Variants in TBXAS1 observed in about 807,000 individuals in gnomAD.
TBXAS1 encodes the protein thromboxane-A synthase.
TBXAS1 carries 48 observed loss-of-function variants against 60.7 expected under a neutral mutation model. The observed-to-expected ratio is 0.79, with a 90% CI of 0.63 to 1.01. The LOEUF is 1.01. Ranked by LOEUF, TBXAS1 falls within the 50% of genes least tolerant of loss-of-function variation. The pLI is 0.00. For synonymous variants in TBXAS1, 287 were observed against 269.7 expected, an observed-to-expected ratio of 1.06 and a Z score of -0.63; for missense variants, 685 against 686.3, an observed-to-expected ratio of 1.00 and a Z score of 0.02.
chr7:139,812,521 G>A (rs928800554), intron 4 of TBXAS1, among the ~76,000 whole-genome samples: 3 of 152,116 alleles, frequency 2.0e-5, no homozygotes, highest in East Asian at 1.9e-4. Context: ...GTGGAAAAAC[G>A]TCCTTTGCCT....
intron 9 of TBXAS1, chr7:139,962,768 A>G: frequency 5.6e-6 from 1 of 179,144 alleles, no homozygotes; most frequent in Non-Finnish European, 1.2e-5. Context: ...TTTCTTCTAG[A>G]TGAGGCCCCT....
At chr7:139,986,755 A>G (rs10255305) in intron 9 of TBXAS1, among the ~76,000 whole-genome samples, 144 of 79,662 alleles carry the variant, frequency 1.8e-3, no homozygotes, top group African/African-American at 5.8e-3. Flanking sequence ...ATATATATAT[A>G]TGTGTGTGTG....
At chr7:139,933,781 G>GAAATGAA (rs1322183309) in intron 4 of TBXAS1, among the ~76,000 whole-genome samples, 11 of 150,386 alleles carry the variant, frequency 7.3e-5, no homozygotes, top group African/African-American at 2.5e-4. Context: ...TTAAAACAGT[G>GAAATGAA]AAATGAAATA....
chr7:139,925,696 G>A (rs1806826501), intron 4 of TBXAS1, among the ~76,000 whole-genome samples: 1 of 152,158 alleles, frequency 6.6e-6, no homozygotes, highest in South Asian at 2.1e-4. Context: ...TAACAGTGGT[G>A]AAAGTGGGCA....
At chr7:140,018,890 CG>C (rs2116482758) in intron 12 of TBXAS1, among the ~76,000 whole-genome samples, 1 of 152,120 alleles carries the variant, frequency 6.6e-6, no homozygotes, top group South Asian at 2.1e-4. Flanking sequence ...ATGAGAGAAA[CG>C]GGGGTCCTCA....
intron 2 of TBXAS1, among the ~76,000 whole-genome samples, chr7:139,873,079 A>T (rs1801943393): frequency 6.6e-6 from 1 of 152,178 alleles, no homozygotes; most frequent in African/African-American, 2.4e-5. Flanking sequence ...TCAGGGCTAA[A>T]ATCATCCTAA....
chr7:139,912,512 TG>T (rs1312796663), intron 4 of TBXAS1, among the ~76,000 whole-genome samples: 1 of 152,208 alleles, frequency 6.6e-6, no homozygotes, highest in Non-Finnish European at 1.5e-5. Flanking sequence ...TTGTTGATTA[TG>T]TGGCAAACTT....
chr7:139,919,234 G>T (rs1480133415), intron 4 of TBXAS1, among the ~76,000 whole-genome samples: 2 of 152,180 alleles, frequency 1.3e-5, no homozygotes, highest in Non-Finnish European at 1.5e-5. Flanking sequence ...TTGCACGATG[G>T]CTGTCCTCAT....
Position 140,004,262 on chromosome 7 carries a change from G to A in TBXAS1, c.1135-2829G>A, listed in dbSNP as rs71543349. Among the ~76,000 whole-genome samples, 4,039 of 152,304 alleles carry A rather than the reference G, an allele frequency of 0.027. 65 individuals carry two copies. The highest frequency in any genetic ancestry group is 0.036 in the Non-Finnish European group (2,458 of 68,034). ...GCCTTTATTCCCAAAGCAGGGGGAC[G>A]TGTCCATCGTGGTACTCAGCGAGCT... On this transcript the variant is annotated intron_variant, in intron 9 of 12. Transcript: ENST00000448866. This position sits in a 1 kb window ranked among gnomAD's most constrained non-coding sequence, Gnocchi z 5.1.
At chr7:139,983,880 GTTTGC>G (rs1812139174) in intron 9 of TBXAS1, among the ~76,000 whole-genome samples, 1 of 152,186 alleles carries the variant, frequency 6.6e-6, no homozygotes, top group Non-Finnish European at 1.5e-5. Context: ...TAGTCGATCA[GTTTGC>G]ACAGAGAAGT....
intron 4 of TBXAS1, among the ~76,000 whole-genome samples, chr7:139,812,286 G>C (rs1798037941): frequency 1.3e-5 from 2 of 152,202 alleles, no homozygotes; most frequent in African/African-American, 4.8e-5. Context: ...AATGAGGGGA[G>C]ACAATATCAA....
At chr7:139,893,814 G>A (rs1290039509) in intron 3 of TBXAS1, among the ~76,000 whole-genome samples, 3 of 152,216 alleles carry the variant, frequency 2.0e-5, no homozygotes, top group Non-Finnish European at 4.4e-5. Context: ...CCCCTCTGGG[G>A]ACTAAGTTTT....
At chr7:139,876,912 T>C (rs1008278809) in intron 3 of TBXAS1, among the ~76,000 whole-genome samples, 3 of 152,168 alleles carry the variant, frequency 2.0e-5, no homozygotes, top group African/African-American at 7.2e-5. Flanking sequence ...GAGGACCTCA[T>C]GTGGGGCACC....
chr7:139,845,842 T>TTA (rs1799762645), intron 1 of TBXAS1, among the ~76,000 whole-genome samples: 1 of 133,480 alleles, frequency 7.5e-6, no homozygotes, highest in East Asian at 2.4e-4. Context: ...TTTTTTTTTT[T>TTA]AGACAGGGTC....
chr7:139,963,590 C>A (rs1810536088), intron 9 of TBXAS1, among the ~76,000 whole-genome samples: 1 of 152,064 alleles, frequency 6.6e-6, no homozygotes, highest in African/African-American at 2.4e-5. Flanking sequence ...TGTATTTGTT[C>A]TTAAATTGAG....
At chr7:139,798,559 G>A (rs531293202) in intron 4 of TBXAS1, among the ~76,000 whole-genome samples, 1 of 152,316 alleles carries the variant, frequency 6.6e-6, no homozygotes, top group South Asian at 2.1e-4. Flanking sequence ...TGTGAGAATA[G>A]AAACCTTCTA....
intron 2 of TBXAS1, among the ~76,000 whole-genome samples, chr7:139,874,462 A>G (rs1455412133): frequency 6.6e-6 from 1 of 152,166 alleles, no homozygotes; most frequent in African/African-American, 2.4e-5. Flanking sequence ...AGCCCTGCCA[A>G]GTTCTTTCTA....
chr7:139,914,490 T>C (rs1049306771), intron 4 of TBXAS1, among the ~76,000 whole-genome samples: 1 of 152,202 alleles, frequency 6.6e-6, no homozygotes, highest in African/African-American at 2.4e-5. Flanking sequence ...TTGGGGGATA[T>C]GATCCACCTT....
At chr7:139,964,477 C>T (rs1399752315) in intron 9 of TBXAS1, among the ~76,000 whole-genome samples, 1 of 152,226 alleles carries the variant, frequency 6.6e-6, no homozygotes, top group Non-Finnish European at 1.5e-5. Flanking sequence ...GTCAATCATG[C>T]TCAAGTCACA....
Sources: gnomAD v4.1 joint callset for allele counts (sites outside exome capture counted in the v4.1 genomes callset) on GRCh38, gnomAD v4.1.1 for gene constraint, Gnocchi (gnomAD v3.1) non-coding constraint, MANE v1.5 for transcripts, NCBI Gene and HGNC (gene_info 2026-07-23, HGNC 2026-07-21) for gene names.